The following HSD17B12 variants were observed in gnomAD, a reference collection of about 807,000 sequenced individuals.
HSD17B12 encodes hydroxysteroid 17-beta dehydrogenase 12, also known as very-long-chain 3-oxoacyl-CoA reductase.
Under a neutral mutation model 39.3 loss-of-function variants are expected in HSD17B12, and 32 were observed. The observed-to-expected ratio is 0.81, with a 90% CI of 0.61 to 1.09. The LOEUF (loss-of-function observed/expected upper bound fraction) is 1.09, where lower values mean the gene tolerates loss of function less well. HSD17B12 is among the 50% of genes least tolerant of loss of function. The pLI is 0.00. For missense variants in HSD17B12, 342 were observed against 382.9 expected, an observed-to-expected ratio of 0.89 and a Z score of 0.89; for synonymous variants, 150 against 146.7, an observed-to-expected ratio of 1.02 and a Z score of -0.16.
At chr11:43,633,377 C>T in the HSD17B12 span, among the ~76,000 whole-genome samples, 1 of 151,964 alleles carries the variant, frequency 6.6e-6, no homozygotes, top group South Asian at 2.1e-4. Flanking sequence ...ACTAAAAATA[C>T]AAAAATTAGC....
At chr11:43,838,258 T>G in intron 7 of HSD17B12, 59 bp from the exon 8 acceptor site, 1 of 1,125,438 alleles carries the variant, frequency 8.9e-7, no homozygotes, top group East Asian at 2.3e-5. Flanking sequence ...AATCTGTAAT[T>G]CACAAACAAC....
the HSD17B12 span, among the ~76,000 whole-genome samples, chr11:43,582,942 T>G: frequency 6.6e-6 from 1 of 152,098 alleles, no homozygotes; most frequent in East Asian, 1.9e-4. Context: ...AAGCAAAAGC[T>G]CCGGGGATTT....
At chr11:43,656,379 G>GT in the HSD17B12 span, among the ~76,000 whole-genome samples, 2 of 152,052 alleles carry the variant, frequency 1.3e-5, no homozygotes, top group Non-Finnish European at 2.9e-5. Context: ...TTTTTGAAGG[G>GT]TTTTTTGTGT....
At chr11:43,662,636 G>T in the HSD17B12 span, among the ~76,000 whole-genome samples, 2 of 152,096 alleles carry the variant, frequency 1.3e-5, no homozygotes, top group Non-Finnish European at 2.9e-5. Flanking sequence ...AGTTGTAATT[G>T]TAACATGGAT....
At chr11:43,594,578 T>A in the HSD17B12 span, among the ~76,000 whole-genome samples, 1 of 151,722 alleles carries the variant, frequency 6.6e-6, no homozygotes, top group Non-Finnish European at 1.5e-5. Context: ...ACAACATTGA[T>A]CTCAAAGCTG....
At chr11:43,733,782 C>T in intron 1 of HSD17B12, 1 of 697,336 alleles carries the variant, frequency 1.4e-6, no homozygotes, top group South Asian at 1.4e-5. Context: ...TGTTTGAGTC[C>T]ATTGGCAAGT....
At chr11:43,758,973 A>C (rs1261668550) in intron 3 of HSD17B12, among the ~76,000 whole-genome samples, 1 of 152,198 alleles carries the variant, frequency 6.6e-6, no homozygotes, top group Non-Finnish European at 1.5e-5. Context: ...TTGTGATCCT[A>C]CTCCTGAAAC....
chr11:43,717,625 T>C (rs1950136067), intron 1 of HSD17B12, among the ~76,000 whole-genome samples: 2 of 152,182 alleles, frequency 1.3e-5, no homozygotes, highest in Non-Finnish European at 1.5e-5. Context: ...GCCTTGATAC[T>C]AGTTGTTACC....
intron 3 of HSD17B12, among the ~76,000 whole-genome samples, chr11:43,793,981 A>G (rs1950893129): frequency 6.6e-6 from 1 of 152,222 alleles, no homozygotes; most frequent in Non-Finnish European, 1.5e-5. Context: ...TTCATTCTCC[A>G]CTTTTTATGC....
chr11:43,770,449 C>T (rs796124539), intron 3 of HSD17B12, among the ~76,000 whole-genome samples: 8 of 152,298 alleles, frequency 5.3e-5, no homozygotes, highest in East Asian at 1.9e-4. Context: ...AACTCTCTGC[C>T]GGGCACAGTG....
chr11:43,731,424 A>C (rs931295973), intron 1 of HSD17B12, among the ~76,000 whole-genome samples: 2 of 152,246 alleles, frequency 1.3e-5, no homozygotes, highest in Admixed American at 6.5e-5. Context: ...GAATTATACC[A>C]GGTAGATCTC....
the HSD17B12 span, among the ~76,000 whole-genome samples, chr11:43,574,637 G>A: frequency 6.6e-6 from 1 of 152,036 alleles, no homozygotes; most frequent in African/African-American, 2.4e-5. Context: ...CACACACCCT[G>A]AGACACACAC....
chr11:43,687,853 A>G (rs1949816130), intron 1 of HSD17B12, among the ~76,000 whole-genome samples: 1 of 152,186 alleles, frequency 6.6e-6, no homozygotes, highest in Non-Finnish European at 1.5e-5. Flanking sequence ...CTTTGGGAAA[A>G]CATTGTTACA....
intron 6 of HSD17B12, among the ~76,000 whole-genome samples, chr11:43,817,231 A>T (rs1951138859): frequency 6.6e-6 from 1 of 151,894 alleles, no homozygotes. Context: ...TTCATTGTAG[A>T]TTCTGGATAT....
chr11:43,608,087 G>A, the HSD17B12 span, among the ~76,000 whole-genome samples: 1 of 152,152 alleles, frequency 6.6e-6, no homozygotes, highest in Non-Finnish European at 1.5e-5. Context: ...GTAAAAATAA[G>A]GCCAGGTGCG....
In HSD17B12 at chr11:43,855,161, C is replaced by T; in HGVS notation, c.852C>T (p.Asn284=). The change falls in exon 11 of 11, where the codon AAC becomes AAT. Residue 284 remains asparagine, a synonymous_variant. Transcript: ENST00000278353. The part of the protein sequence containing the change: ...IHALMGSIIS[N]LPSWIYLKIV... Reference sequence around the variant, plus strand: ...TTCCCTAGGGCTCGATAATCTCAAACCTGCCTTCTTGGATTTATTTGAAAA... The same window carrying T: ...TTCCCTAGGGCTCGATAATCTCAAATCTGCCTTCTTGGATTTATTTGAAAA... The T allele has an allele frequency of 1.2e-6, 2 of 1,609,028 alleles. No individual in the cohort carries two copies. The highest frequency in any genetic ancestry group is 2.2e-5 in the East Asian group (1 of 44,764).
At chr11:43,846,968 A>C (rs1951481987) in intron 9 of HSD17B12, among the ~76,000 whole-genome samples, 1 of 152,268 alleles carries the variant, frequency 6.6e-6, no homozygotes, top group South Asian at 2.1e-4. Context: ...GGTTGAATTT[A>C]CATTTATTGG....
chr11:43,804,741 T>G (rs1951002941), intron 4 of HSD17B12, among the ~76,000 whole-genome samples: 1 of 152,200 alleles, frequency 6.6e-6, no homozygotes, highest in Admixed American at 6.5e-5. Flanking sequence ...TAGAGAATAG[T>G]TGAATATAAA....
chr11:43,571,940 T>C, the HSD17B12 span, among the ~76,000 whole-genome samples: 2 of 152,246 alleles, frequency 1.3e-5, no homozygotes, highest in African/African-American at 4.8e-5. Flanking sequence ...ACCGTGCTAA[T>C]GGCTCAGCCT....
Sources: gnomAD v4.1 joint callset for allele counts (sites outside exome capture counted in the v4.1 genomes callset) on GRCh38, gnomAD v4.1.1 for gene constraint, MANE v1.5 for transcripts, NCBI Gene and HGNC (gene_info 2026-07-23, HGNC 2026-07-21) for gene names.